Variants in DUOXA1 observed in about 807,000 individuals in gnomAD.
DUOXA1 encodes the protein dual oxidase activator 1.
In DUOXA1, 19 loss-of-function variants were observed where a neutral mutation model predicts 26.6. The observed-to-expected ratio is 0.71, with a 90% confidence interval of 0.50 to 1.05. The LOEUF (loss-of-function observed/expected upper bound fraction) is 1.05. Among genes scored for constraint, DUOXA1 ranks in the 50% least tolerant of loss-of-function variants. DUOXA1 has a pLI of 0.00. For missense variants in DUOXA1, 403 were observed against 427.5 expected, an observed-to-expected ratio of 0.94 and a Z score of 0.51; for synonymous variants, 166 against 177.0, an observed-to-expected ratio of 0.94 and a Z score of 0.49.
chr15:45,128,560 G>A lies in DUOXA1; in HGVS notation c.-30+458C>T, dbSNP rs10438308. Among the ~76,000 whole-genome samples, 468 of 152,352 alleles carry A rather than the reference G, an allele frequency of 3.1e-3. 3 individuals are homozygous for A. Among genetic ancestry groups the A allele is most frequent in the African/African-American group, 0.011 (443 of 41,580 alleles). ...CCTGTGCTAGACTTTCCTCTTCAAGGAAGGGGTCTGTGTGTACGTGTGTAT... is the reference window on the plus strand; with the variant it reads ...CCTGTGCTAGACTTTCCTCTTCAAGAAAGGGGTCTGTGTGTACGTGTGTAT... On this transcript the variant is annotated intron_variant, in intron 3 of 8. Transcript: ENST00000560572.
At position 45,129,162 on chromosome 15, in the gene DUOXA1, C is replaced by T. The variant is rs973984918; in HGVS notation, c.-146-28G>A. The T allele has an allele frequency of 3.3e-5, 5 of 152,166 alleles. No individual in the cohort carries two copies. Among genetic ancestry groups the T allele is most frequent in the Non-Finnish European group, 7.3e-5 (5 of 68,038 alleles). 9.4% of individuals were successfully genotyped at this position (152,166 alleles called of 1,614,324 possible). On this transcript the variant is annotated intron_variant, in intron 2 of 8. Transcript: ENST00000560572. This position sits in a 1 kb window ranked among gnomAD's most constrained non-coding sequence, Gnocchi z 4.1. Reference sequence around the variant, plus strand: ...GTGAACAAACGCGCGCCCTTACTCTCAGTGGGGCTCCCGTCCGACCCCCAC... The same window carrying T: ...GTGAACAAACGCGCGCCCTTACTCTTAGTGGGGCTCCCGTCCGACCCCCAC...
rs751723195 is a variant in DUOXA1, at chr15:45,120,095, G to T, written c.772+8C>A. ...CTTCTAGTGCTTGTCTTTAGGGCTG[G>T]GTCTTACCTGTGGTCAATGTGATCC... On this transcript the variant is annotated splice_region_variant and intron_variant, in intron 8 of 8. Transcript: ENST00000560572. The T allele has an allele frequency of 2.5e-6, 4 of 1,613,678 alleles. No individual in the cohort carries two copies. The highest frequency in any genetic ancestry group is 1.3e-5 in the African/African-American group (1 of 75,026).
chr15:45,126,271 C>T (rs1220142164), intron 3 of DUOXA1, among the ~76,000 whole-genome samples: 2 of 152,210 alleles, frequency 1.3e-5, no homozygotes, highest in African/African-American at 2.4e-5. Flanking sequence ...TGCTTTATAA[C>T]CCGGTTCCAC....
At chr15:45,124,351 T>C (rs1694474212) in intron 3 of DUOXA1, among the ~76,000 whole-genome samples, 2 of 151,536 alleles carry the variant, frequency 1.3e-5, no homozygotes, top group South Asian at 4.1e-4. Context: ...GTATATAAAG[T>C]GCTGAGAATA....
chr15:45,125,589 CAAAGGGCAG>C (rs1895616645), intron 3 of DUOXA1, among the ~76,000 whole-genome samples: 1 of 152,144 alleles, frequency 6.6e-6, no homozygotes, highest in Non-Finnish European at 1.5e-5. Flanking sequence ...GTGTTAAATC[CAAAGGGCAG>C]TTTTCACTTT....
At chr15:45,119,935 G>T (rs563799469) in intron 8 of DUOXA1, among the ~76,000 whole-genome samples, 168 bp downstream of exon 8, 2 of 152,084 alleles carry the variant, frequency 1.3e-5, no homozygotes, top group African/African-American at 4.8e-5. Context: ...AAGTGGCACT[G>T]GGGAGAGAAA....
rs79972117 is a variant in DUOXA1, at chr15:45,127,527, A to G, written c.-30+1491T>C. 2.6e-3 allele frequency among the ~76,000 whole-genome samples: 396 copies of G among 152,322 alleles called. 1 individual carries two copies. The highest frequency in any genetic ancestry group is 9.3e-3 in the African/African-American group (388 of 41,572). On this transcript the variant is annotated intron_variant, in intron 3 of 8. Transcript: ENST00000560572. ...TCTTAATTTCTTCTTGTTCCATTTCATAACTTAGGTCTTCCTTTATTTGCA... is the reference window on the plus strand; with the variant it reads ...TCTTAATTTCTTCTTGTTCCATTTCGTAACTTAGGTCTTCCTTTATTTGCA...
intron 3 of DUOXA1, among the ~76,000 whole-genome samples, chr15:45,123,602 C>G (rs540820910): frequency 3.9e-5 from 6 of 152,362 alleles, no homozygotes; most frequent in South Asian, 2.1e-4. Context: ...GTCTGTCCAG[C>G]TTTCTCAAGC....
Position 45,117,900 on chromosome 15 carries a change from T to A in DUOXA1, c.*1206A>T, listed in dbSNP as rs1310027376. On this transcript the variant is annotated 3_prime_UTR_variant, in exon 9 of 9. Transcript: ENST00000560572. ...TCCCAGACTTAAAATGTATCACCAC[T>A]AACCTGTGAGGGGGACCCAATCTGG... The A allele has an allele frequency of 6.2e-7, 1 of 1,613,334 alleles. No homozygotes were observed. Among genetic ancestry groups the A allele is most frequent in the Non-Finnish European group, 8.5e-7 (1 of 1,180,024 alleles).
rs777190569 is a variant in DUOXA1 at position 45,120,161 on chromosome 15, C to T, written c.714G>A (p.Leu238=). 6.2e-7 allele frequency: 1 copy of T among 1,613,788 alleles called. No individual in the cohort carries two copies. The highest frequency in any genetic ancestry group is 8.5e-7 in the Non-Finnish European group (1 of 1,179,982). The change falls in exon 8 of 9, where the codon CTG becomes CTA. Residue 238 remains leucine, a synonymous_variant. Transcript: ENST00000560572. ...TSLTSPCPLH[L]GASVLHTHHG... ...GGTGAGTATGCAGCACAGAAGCGCCCAGGTGCAGGGGACAGGGTGAGGTGA... is the reference window on the plus strand; with the variant it reads ...GGTGAGTATGCAGCACAGAAGCGCCTAGGTGCAGGGGACAGGGTGAGGTGA...
chr15:45,119,354 C>T lies in DUOXA1; in HGVS notation c.784G>A (p.Val262Met), dbSNP rs564524035. The T allele has an allele frequency of 1.5e-5, 24 of 1,611,378 alleles. No homozygotes were observed. The highest frequency in any genetic ancestry group is 6.7e-5 in the Admixed American group (4 of 59,834). The change falls in exon 9 of 9, where the codon GTG becomes ATG. Residue 262 changes from valine (V) to methionine (M), a missense_variant. By Grantham distance (21) the Val-to-Met change is conservative. Coordinates refer to ENST00000560572, the MANE Select transcript of DUOXA1 (RefSeq NM_001276266.2). ...WITLTTGLLC[V>M]LLGLAMAVAH... ...ACCGCCATAGCCAGGCCCAGCAGCA[C>T]ACACAGCAGTCCTGGAGATGAGGGC...
rs1894867000 is a variant in DUOXA1 at position 45,118,882 on chromosome 15, C to T, written c.*224G>A. The T allele has an allele frequency of 1.6e-6, 2 of 1,254,738 alleles. No homozygotes were observed. The highest frequency in any genetic ancestry group is 1.5e-5 in the African/African-American group (1 of 65,582). The allele number at this position is 1,254,738 out of a possible 1,614,324, so 77.7% of individuals were successfully genotyped here. On this transcript the variant is annotated 3_prime_UTR_variant, in exon 9 of 9. Coordinates refer to ENST00000560572, the MANE Select transcript of DUOXA1 (RefSeq NM_001276266.2). ...CCCCTGCTTGGCCTTATCATGGCAACAGGCTTTATGGACAGGCCCAGCATC... is the reference window on the plus strand; with the variant it reads ...CCCCTGCTTGGCCTTATCATGGCAATAGGCTTTATGGACAGGCCCAGCATC...
At position 45,118,953 on chromosome 15, in the gene DUOXA1, C is replaced by T; in HGVS notation, c.*153G>A. 1 of 1,374,084 alleles carries T rather than the reference C, an allele frequency of 7.3e-7. No homozygotes were observed. The highest frequency in any genetic ancestry group is 9.4e-7 in the Non-Finnish European group (1 of 1,065,480). 85.1% of individuals were successfully genotyped at this position (1,374,084 alleles called of 1,614,324 possible). A position where few individuals can be genotyped will look rare whatever the true frequency, so the allele number is the denominator to read the frequency against. ...TTTGTTTTGTTTTGTTTTTTAACAT[C>T]AGTATATAGAGCCTCCTTTTTCTAC... is the stretch of plus-strand genomic sequence containing the variant. On this transcript the variant is annotated 3_prime_UTR_variant, in exon 9 of 9. Coordinates refer to ENST00000560572, the MANE Select transcript of DUOXA1 (RefSeq NM_001276266.2).
At chr15:45,124,215 G>A (rs769570159) in intron 3 of DUOXA1, among the ~76,000 whole-genome samples, 75 of 152,338 alleles carry the variant, frequency 4.9e-4, no homozygotes, top group Non-Finnish European at 9.7e-4. Context: ...AGTAGCCCCA[G>A]AGGGTTTGAA....
chr15:45,122,938 C>G lies in DUOXA1; in HGVS notation c.77G>C (p.Ser26Thr). The change falls in exon 4 of 9, where the codon AGC becomes ACC. Residue 26 changes from serine (S) to threonine (T), a missense_variant. Transcript: ENST00000560572. ...TGCAGTCAGAAAGATCATGATGATGCTGGCCAAAGTGGTGTCCATCGGGAA... is the reference window on the plus strand; with the variant it reads ...TGCAGTCAGAAAGATCATGATGATGGTGGCCAAAGTGGTGTCCATCGGGAA... ...PTFPMDTTLA[S>T]IIMIFLTALA... 1 of 1,613,370 alleles carries G rather than the reference C, an allele frequency of 6.2e-7. No homozygotes were observed. The highest frequency in any genetic ancestry group is 8.5e-7 in the Non-Finnish European group (1 of 1,179,720).
At chr15:45,128,091 T>G (rs1170961184) in intron 3 of DUOXA1, among the ~76,000 whole-genome samples, 1 of 152,174 alleles carries the variant, frequency 6.6e-6, no homozygotes, top group South Asian at 2.1e-4. Flanking sequence ...GGCTCCCTTA[T>G]GTACTGAAGA....
In DUOXA1 at chr15:45,119,297, C is replaced by G; in HGVS notation, c.841G>C (p.Ala281Pro). 1.2e-6 allele frequency: 2 copies of G among 1,614,104 alleles called. No homozygotes were observed. The highest frequency in any genetic ancestry group is 1.7e-6 in the Non-Finnish European group (2 of 1,179,992). The change falls in exon 9 of 9, where the codon GCT becomes CCT. Residue 281 changes from alanine to proline, a missense_variant. Coordinates refer to ENST00000560572, the MANE Select transcript of DUOXA1 (RefSeq NM_001276266.2). ...TCATCCACACTCTGGTTGAAGAAAG[C>G]CTTCAGCCTGTGAGGCTGCATCCTG... ...AHRMQPHRLK[A>P]FFNQSVDEDP...
Sources: allele counts gnomAD v4.1 joint callset (sites outside exome capture counted in the v4.1 genomes callset), GRCh38; gene constraint gnomAD v4.1.1; non-coding constraint Gnocchi (gnomAD v3.1); transcripts MANE v1.5; gene names NCBI Gene and HGNC (gene_info 2026-07-23, HGNC 2026-07-21).